CTCFL: variants seen among roughly 807,000 people sequenced by gnomAD.
CTCFL encodes the protein CCCTC-binding factor like.
A neutral mutation model predicts 67.4 loss-of-function variants in CTCFL; 36 were observed. That is an observed-to-expected ratio of 0.53 (90% CI 0.41 to 0.71). CTCFL has a LOEUF of 0.71. CTCFL is among the 30% of genes least tolerant of loss of function. CTCFL has a pLI of 0.00. For missense variants in CTCFL, 786 were observed against 835.2 expected (o/e 0.94, Z 0.73); for synonymous variants, 324 against 302.3 (o/e 1.07, Z -0.75).
downstream of CTCFL, among the ~76,000 whole-genome samples, chr20:57,496,679 T>G (rs767944498): frequency 6.6e-6 from 1 of 152,226 alleles, no homozygotes; most frequent in Non-Finnish European, 1.5e-5. Flanking sequence ...AGATACCTCC[T>G]ATAAGTAAGA....
rs764690029 is a variant in CTCFL, at chr20:57,523,808, C to T, written c.398G>A (p.Cys133Tyr). The change falls in exon 2 of 11, where the codon TGT becomes TAT. Residue 133 changes from cysteine to tyrosine, a missense_variant. Physicochemically the swap from Cys to Tyr is radical, Grantham distance 194. This residue lies in a region of CTCFL where 333 missense variants were observed against 304.6 expected (regional missense o/e 1.09). Transcript: ENST00000243914. ...EEGPRQSLQQ[C>Y]VAISIQQELY... ...CTCTTGCTGGATACTAATGGCCACA[C>T]ACTGCTGCAGGCTCTGCCGGGGCCC... 5.3e-5 allele frequency: 85 copies of T among 1,613,046 alleles called. No individual in the cohort carries two copies. The highest frequency in any genetic ancestry group is 6.8e-5 in the Non-Finnish European group (80 of 1,180,040).
At chr20:57,501,668 C>G (rs889950424) in intron 10 of CTCFL, among the ~76,000 whole-genome samples, 5 of 152,092 alleles carry the variant, frequency 3.3e-5, no homozygotes, top group African/African-American at 1.2e-4. Context: ...GATGGAGAAG[C>G]CCCAGGAGCT....
chr20:57,498,430 A>T lies in CTCFL; in HGVS notation c.*120T>A. On this transcript the variant is annotated 3_prime_UTR_variant, in exon 11 of 11. Transcript: ENST00000243914. ...GCTTTAGGAATTAGGGGCAGTGAAC[A>T]TGCAACCTGACTCTCTCTCACTTAT... 4.1e-6 allele frequency: 6 copies of T among 1,465,234 alleles called. No individual in the cohort carries two copies. Among genetic ancestry groups the T allele is most frequent in the Non-Finnish European group, 5.4e-6 (6 of 1,106,370 alleles). 90.8% of individuals were successfully genotyped at this position (1,465,234 alleles called of 1,614,324 possible).
chr20:57,508,014 C>G, intron 9 of CTCFL: 1 of 615,878 alleles, frequency 1.6e-6, no homozygotes, highest in South Asian at 2.0e-5. Flanking sequence ...GCGATCGTGA[C>G]TCACTGTAGC....
rs930744801 is a variant in CTCFL, at chr20:57,500,212, C to A, written c.1841-1511G>T. ...AGGCACAGGGGCTCATGCCTGTAAT[C>A]CCACCACTTTGGGAGGCCGAGGCGG... On this transcript the variant is annotated intron_variant, in intron 10 of 10. Transcript: ENST00000243914. The A allele has an allele frequency of 4.8e-6, 5 of 1,033,482 alleles. No homozygotes were observed. The Admixed American group carries it at 2.6e-4, about 54-fold the overall frequency. The allele number at this position is 1,033,482 out of a possible 1,614,324, so 64.0% of individuals were successfully genotyped here.
chr20:57,497,325 G>C lies in CTCFL; in HGVS notation c.*1225C>G. ...TGAGTTGAGTTAAATTAATTTGCTG[G>C]TACAAAGAGAATATAATGCTCTTCC... On this transcript the variant is annotated 3_prime_UTR_variant, in exon 11 of 11. Transcript: ENST00000243914. The C allele has an allele frequency of 1.0e-6, 1 of 985,164 alleles. No homozygotes were observed. The highest frequency in any genetic ancestry group is 4.7e-5 in the South Asian group (1 of 21,270). 61.0% of individuals were successfully genotyped at this position (985,164 alleles called of 1,614,324 possible).
chr20:57,505,255 AT>A (rs1165313619), intron 9 of CTCFL, among the ~76,000 whole-genome samples: 2 of 151,482 alleles, frequency 1.3e-5, no homozygotes, highest in African/African-American at 4.8e-5. Flanking sequence ...AAATTTATTT[AT>A]TTATTTATTT....
chr20:57,503,641 A>G lies in CTCFL; in HGVS notation c.1675-40T>C, dbSNP rs369653097. 3.1e-4 allele frequency: 501 copies of G among 1,608,836 alleles called. 3 individuals carry two copies. The African/African-American group carries it at 6.2e-3, about 20-fold the overall frequency. ...ACACAGAACACACAAGGCGAGTGAG[A>G]TGGGGCAGGGACCCCTCTCAGGGGC... is the stretch of plus-strand genomic sequence containing the variant. On this transcript the variant is annotated intron_variant, in intron 9 of 10. Transcript: ENST00000243914.
chr20:57,496,225 GC>G, downstream of CTCFL: 1 of 620,888 alleles, frequency 1.6e-6, no homozygotes, highest in Non-Finnish European at 2.9e-6. Flanking sequence ...GGAGTGTGGC[GC>G]CTCCCCCTCT....
At chr20:57,496,451 A>G (rs998138957), downstream of CTCFL, 11 of 453,438 alleles carry the variant, frequency 2.4e-5, no homozygotes, top group African/African-American at 2.0e-4. Context: ...CTAACACAAC[A>G]TAAAATTTAC....
intron 10 of CTCFL, among the ~76,000 whole-genome samples, chr20:57,501,387 A>AG (rs1231973454): frequency 1.0e-4 from 3 of 29,310 alleles, no homozygotes; most frequent in Non-Finnish European, 1.9e-4. Context: ...GAGTTGGCTG[A>AG]GGAGGGTGGG....
At chr20:57,503,646 G>C (rs754024868) in intron 9 of CTCFL, 45 bp from the exon 10 acceptor site, 14 of 1,600,448 alleles carry the variant, frequency 8.7e-6, no homozygotes, top group Non-Finnish European at 1.2e-5. Flanking sequence ...GTGAGATGGG[G>C]CAGGGACCCC....
intron 3 of CTCFL, among the ~76,000 whole-genome samples, chr20:57,521,422 C>T (rs2069351089): frequency 6.6e-6 from 1 of 152,168 alleles, no homozygotes; most frequent in South Asian, 2.1e-4. Flanking sequence ...GGAAAACAAG[C>T]GTTGGTGAGG....
chr20:57,514,972 G>T, intron 6 of CTCFL: 1 of 550,878 alleles, frequency 1.8e-6, no homozygotes. Flanking sequence ...TGGTGGCTAC[G>T]CAAGAGTTCA....
At chr20:57,511,619 T>C (rs1051501107) in intron 8 of CTCFL, among the ~76,000 whole-genome samples, 3 of 149,048 alleles carry the variant, frequency 2.0e-5, no homozygotes, top group Non-Finnish European at 4.4e-5. Flanking sequence ...TGAGATGGAG[T>C]TTTGCTCTGT....
intron 1 of CTCFL, 21 bp from the exon 2 acceptor site, chr20:57,524,237 C>T (rs751544195): frequency 2.5e-6 from 4 of 1,589,116 alleles, no homozygotes; most frequent in Non-Finnish European, 3.4e-6. Flanking sequence ...AATAAGCAAG[C>T]GGTTTCCATA....
Position 57,514,621 on chromosome 20 carries a change from G to A in CTCFL, c.1301C>T (p.Ala434Val). The A allele has an allele frequency of 6.2e-7, 1 of 1,614,202 alleles. No individual in the cohort carries two copies. Among genetic ancestry groups the A allele is most frequent in the African/African-American group, 1.3e-5 (1 of 75,058 alleles). The change falls in exon 7 of 11, where the codon GCC becomes GTC. Residue 434 changes from alanine to valine, a missense_variant. Coordinates refer to ENST00000243914, the MANE Select transcript of CTCFL (RefSeq NM_001386993.1). ...NVPKYQCPHC[A>V]TIIARKSDLR... Reference sequence around the variant, plus strand: ...GTCGCTTTTCCGTGCAATGATGGTGGCACAATGGGGACACTGGTATTTGGG... The same window carrying A: ...GTCGCTTTTCCGTGCAATGATGGTGACACAATGGGGACACTGGTATTTGGG...
At chr20:57,497,012 T>C (rs1043531580), downstream of CTCFL, among the ~76,000 whole-genome samples, 1 of 107,470 alleles carries the variant, frequency 9.3e-6, no homozygotes, top group Non-Finnish European at 2.2e-5. Context: ...TTTCCATTTT[T>C]TTTTTTTTTT....
At chr20:57,506,929 T>A (rs1436185688) in intron 9 of CTCFL, 3 of 985,278 alleles carry the variant, frequency 3.0e-6, no homozygotes, top group South Asian at 9.4e-5. Context: ...ACTATCCCAC[T>A]GTGCTACTCA....
Sources: gnomAD v4.1 joint callset for allele counts (sites outside exome capture counted in the v4.1 genomes callset) on GRCh38, gnomAD v4.1.1 for gene constraint, gnomAD v4.1.1 regional missense constraint, MANE v1.5 for transcripts, NCBI Gene and HGNC (gene_info 2026-07-23, HGNC 2026-07-21) for gene names.